MSH3: variants seen among roughly 807,000 people sequenced by gnomAD.
MSH3 encodes the protein DNA mismatch repair protein Msh3.
Under a neutral mutation model 123.3 loss-of-function variants are expected in MSH3, and 106 were observed. The observed-to-expected ratio is 0.86, with a 90% confidence interval of 0.73 to 1.01. MSH3 has a LOEUF of 1.01. Among genes scored for constraint, MSH3 ranks in the 50% least tolerant of loss-of-function variants. The pLI is 0.00. For synonymous variants in MSH3, 515 were observed against 481.4 expected (o/e 1.07, Z -0.91); for missense variants, 1,459 against 1,347.6 (o/e 1.08, Z -1.29).
At chr5:80,748,746 C>T (rs921995005) in intron 12 of MSH3, among the ~76,000 whole-genome samples, 2 of 149,914 alleles carry the variant, frequency 1.3e-5, no homozygotes, top group Admixed American at 6.7e-5. Context: ...ATATGTATGT[C>T]ATTGGTTTTG....
chr5:80,778,587 A>G (rs1044525477), intron 16 of MSH3, 133 bp from the exon 17 acceptor site: 2 of 700,690 alleles, frequency 2.9e-6, no homozygotes, highest in Non-Finnish European at 5.2e-6. Context: ...TAATTAAAGA[A>G]TGTTCTTCTG....
rs1269791493 is a variant in MSH3 at position 80,873,289 on chromosome 5, T to G, written c.3302+2T>G. 1 of 1,613,716 alleles carries G rather than the reference T, an allele frequency of 6.2e-7. No homozygotes were observed. Among genetic ancestry groups the G allele is most frequent in the Non-Finnish European group, 8.5e-7 (1 of 1,179,816 alleles). On this transcript the variant is annotated splice_donor_variant, in intron 23 of 23. Transcript: ENST00000265081. LOFTEE classifies it high-confidence loss of function. Reference sequence around the variant, plus strand: ...GGAAGGATTAATAAATACGAAAAGGTCAGAGTGATTATGCTGCATTTTTTC... The same window carrying G: ...GGAAGGATTAATAAATACGAAAAGGGCAGAGTGATTATGCTGCATTTTTTC...
intron 20 of MSH3, 35 bp downstream of exon 20, chr5:80,813,776 A>G: frequency 1.2e-6 from 2 of 1,609,284 alleles, no homozygotes; most frequent in Non-Finnish European, 1.7e-6. Context: ...TATATTCTTG[A>G]AAATAAGTCA....
At chr5:80,775,979 T>C (rs1042591453) in intron 16 of MSH3, among the ~76,000 whole-genome samples, 6 of 151,984 alleles carry the variant, frequency 3.9e-5, no homozygotes, top group Non-Finnish European at 8.8e-5. Context: ...AACCTCCGCC[T>C]CCCTGATTCA....
chr5:80,706,722 A>G (rs1252392927), intron 8 of MSH3, among the ~76,000 whole-genome samples: 3 of 152,212 alleles, frequency 2.0e-5, no homozygotes, highest in African/African-American at 7.2e-5. Flanking sequence ...TTTGCTGAGT[A>G]AATACCAGAA....
intron 10 of MSH3, among the ~76,000 whole-genome samples, chr5:80,740,795 A>G (rs1743599446): frequency 6.6e-6 from 1 of 151,320 alleles, no homozygotes; most frequent in African/African-American, 2.4e-5. Context: ...GCTCACTGCA[A>G]TCTCCGCCTC....
At chr5:80,665,088 A>C in intron 2 of MSH3, 55 bp from the exon 3 acceptor site, 1 of 1,356,128 alleles carries the variant, frequency 7.4e-7, no homozygotes. Flanking sequence ...TTATGAATTG[A>C]CATAATGAGA....
At chr5:80,781,032 G>A (rs1189984147) in intron 17 of MSH3, among the ~76,000 whole-genome samples, 1 of 152,172 alleles carries the variant, frequency 6.6e-6, no homozygotes, top group Non-Finnish European at 1.5e-5. Context: ...GCCCTGAGGA[G>A]TCTTGAATTG....
intron 20 of MSH3, among the ~76,000 whole-genome samples, chr5:80,843,882 GA>G (rs1395419445): frequency 1.3e-5 from 2 of 151,594 alleles, no homozygotes; most frequent in African/African-American, 4.8e-5. Flanking sequence ...CTTTTTGAAG[GA>G]TTTTTTCTAT....
chr5:80,865,810 C>G (rs528753779), intron 22 of MSH3, among the ~76,000 whole-genome samples: 34 of 152,234 alleles, frequency 2.2e-4, no homozygotes, highest in Admixed American at 7.9e-4. Flanking sequence ...AGGGATGGAC[C>G]TGAAAAAGAA....
intron 22 of MSH3, among the ~76,000 whole-genome samples, chr5:80,865,445 C>T (rs1746083180): frequency 6.6e-6 from 1 of 152,140 alleles, no homozygotes; most frequent in Non-Finnish European, 1.5e-5. Flanking sequence ...ATGTCAACCA[C>T]TTAGATGGGG....
chr5:80,811,615 T>C (rs1377975397), intron 19 of MSH3, among the ~76,000 whole-genome samples: 1 of 152,152 alleles, frequency 6.6e-6, no homozygotes, highest in Non-Finnish European at 1.5e-5. Flanking sequence ...TTTGTAATAT[T>C]CGTGCTATTT....
chr5:80,705,598 C>T (rs1213666895), intron 8 of MSH3, among the ~76,000 whole-genome samples: 3 of 152,204 alleles, frequency 2.0e-5, no homozygotes, highest in Non-Finnish European at 2.9e-5. Flanking sequence ...AACAAAGTGC[C>T]ACCAACTGAG....
intron 19 of MSH3, among the ~76,000 whole-genome samples, chr5:80,794,962 C>G (rs1173868319): frequency 6.6e-6 from 1 of 152,128 alleles, no homozygotes; most frequent in Non-Finnish European, 1.5e-5. Context: ...GAATAACAAA[C>G]AGCCAGCCAG....
At chr5:80,741,027 T>C (rs1580597074) in intron 10 of MSH3, among the ~76,000 whole-genome samples, 1 of 152,304 alleles carries the variant, frequency 6.6e-6, no homozygotes, top group South Asian at 2.1e-4. Context: ...AGAATCTTGA[T>C]TAAAAGTATT....
chr5:80,851,105 C>T (rs1745823272), intron 20 of MSH3, among the ~76,000 whole-genome samples: 1 of 152,060 alleles, frequency 6.6e-6, no homozygotes, highest in Non-Finnish European at 1.5e-5. Flanking sequence ...ACTGTTTACT[C>T]TTTCTCTTAT....
chr5:80,855,021 A>G (rs1164587686), intron 21 of MSH3, among the ~76,000 whole-genome samples: 3 of 152,102 alleles, frequency 2.0e-5, no homozygotes, highest in African/African-American at 7.2e-5. Context: ...TTTCTATCTG[A>G]TTCAGTAACA....
intron 3 of MSH3, among the ~76,000 whole-genome samples, chr5:80,666,114 C>T (rs1749562562): frequency 6.6e-6 from 1 of 152,084 alleles, no homozygotes; most frequent in African/African-American, 2.4e-5. Flanking sequence ...GGCTAGAGTA[C>T]AGTTGTGCGA....
At chr5:80,755,762 GGGAGACA>G (rs1293881228) in intron 12 of MSH3, among the ~76,000 whole-genome samples, 3 of 152,136 alleles carry the variant, frequency 2.0e-5, no homozygotes, top group African/African-American at 7.2e-5. Flanking sequence ...ACTGCCTTGT[GGGAGACA>G]GGAGACAGGG....
Sources: allele counts gnomAD v4.1 joint callset (sites outside exome capture counted in the v4.1 genomes callset), GRCh38; gene constraint gnomAD v4.1.1; transcripts MANE v1.5; gene names NCBI Gene and HGNC (gene_info 2026-07-23, HGNC 2026-07-21).